SGCD: variants seen among roughly 807,000 people sequenced by gnomAD.
SGCD encodes the protein delta-sarcoglycan.
In SGCD, 18 loss-of-function variants were observed where a neutral mutation model predicts 36.6. The observed-to-expected ratio is 0.49, with a 90% CI of 0.34 to 0.73. The LOEUF (loss-of-function observed/expected upper bound fraction) is 0.73. Among genes scored for constraint, SGCD ranks in the 30% least tolerant of loss-of-function variants. The pLI is 0.01. For missense variants in SGCD, 387 were observed against 346.7 expected, an observed-to-expected ratio of 1.12 and a Z score of -0.92; for synonymous variants, 133 against 130.6, an observed-to-expected ratio of 1.02 and a Z score of -0.12.
At chr5:156,584,180 T>G (rs1280982973) in intron 4 of SGCD, among the ~76,000 whole-genome samples, 1 of 152,216 alleles carries the variant, frequency 6.6e-6, no homozygotes, top group African/African-American at 2.4e-5. Context: ...CTCTGTCCCT[T>G]AAGTATATAC....
intron 3 of SGCD, among the ~76,000 whole-genome samples, chr5:156,264,806 T>C (rs1765959361): frequency 6.6e-6 from 1 of 152,158 alleles, no homozygotes; most frequent in South Asian, 2.1e-4. Flanking sequence ...ATTTTGTCAA[T>C]TTTGTTCACT....
intron 1 of SGCD, among the ~76,000 whole-genome samples, chr5:156,005,073 T>C (rs1444930863): frequency 6.6e-6 from 1 of 152,196 alleles, no homozygotes; most frequent in Admixed American, 6.5e-5. Context: ...GGAGCCACTT[T>C]GGGCACAAAG....
Position 156,159,034 on chromosome 5 carries a change from T to C in SGCD, c.-44+35015T>C, listed in dbSNP as rs546729128. 2.6e-4 allele frequency among the ~76,000 whole-genome samples: 39 copies of C among 151,714 alleles called. 1 individual carries two copies. Among genetic ancestry groups the C allele is most frequent in the African/African-American group, 8.8e-4 (36 of 41,040 alleles). ...GAAGCAGCATGCTATCTTTGAAAAA[T>C]AATGGGATTTGCAATTCCCATCTCA... On this transcript the variant is annotated intron_variant, in intron 3 of 9. Transcript: ENST00000517913.
At chr5:155,833,016 C>T in the SGCD span, among the ~76,000 whole-genome samples, 5 of 142,442 alleles carry the variant, frequency 3.5e-5, no homozygotes, top group South Asian at 2.2e-4. Context: ...AAGACCAGCC[C>T]GGTCAACATC....
intron 1 of SGCD, among the ~76,000 whole-genome samples, chr5:155,983,290 G>A (rs527912846): frequency 3.3e-5 from 5 of 152,156 alleles, no homozygotes; most frequent in African/African-American, 1.2e-4. Flanking sequence ...AGCTAGAAGA[G>A]CTAGGGCTCA....
chr5:156,271,307 G>C (rs1173062610), intron 3 of SGCD, among the ~76,000 whole-genome samples: 3 of 151,946 alleles, frequency 2.0e-5, no homozygotes, highest in Non-Finnish European at 4.4e-5. Flanking sequence ...AGATTGTTTT[G>C]TTGCCTTTCT....
chr5:156,694,107 A>G (rs570895879), intron 7 of SGCD, among the ~76,000 whole-genome samples: 16 of 152,284 alleles, frequency 1.1e-4, no homozygotes, highest in Admixed American at 8.5e-4. Flanking sequence ...AAGAGGTTCT[A>G]TGGTTGTCTG....
intron 3 of SGCD, among the ~76,000 whole-genome samples, chr5:156,195,136 CA>C (rs2127634347): frequency 6.6e-6 from 1 of 152,208 alleles, no homozygotes; most frequent in African/African-American, 2.4e-5. Context: ...ATGGTGTTGT[CA>C]AAATTATTAA....
At chr5:156,652,033 G>T (rs1334945803) in intron 7 of SGCD, among the ~76,000 whole-genome samples, 2 of 151,900 alleles carry the variant, frequency 1.3e-5, no homozygotes, top group East Asian at 3.9e-4. Flanking sequence ...TATTTTTTGT[G>T]TGGGGTTGCT....
chr5:156,760,782 G>T lies in SGCD; in HGVS notation c.*1392G>T, dbSNP rs571748665. ...TACACCATCTCTGTTCAAAGAGGGG[G>T]AAATGTGCCTATGCCTTAAGTCAAT... On this transcript the variant is annotated 3_prime_UTR_variant, in exon 9 of 9. Coordinates refer to ENST00000337851, the MANE Select transcript of SGCD (RefSeq NM_000337.6). 6.5e-6 allele frequency: 1 copy of T among 152,776 alleles called. No individual in the cohort carries two copies. The highest frequency in any genetic ancestry group is 2.1e-4 in the South Asian group (1 of 4,832). The allele number at this position is 152,776 out of a possible 1,614,324, so 9.5% of individuals were successfully genotyped here. A position where few individuals can be genotyped will look rare whatever the true frequency, so the allele number is the denominator to read the frequency against.
intron 2 of SGCD, among the ~76,000 whole-genome samples, chr5:156,341,867 A>C (rs936678806): frequency 6.6e-6 from 1 of 152,116 alleles, no homozygotes; most frequent in African/African-American, 2.4e-5. Flanking sequence ...ACCTGCCACC[A>C]TGCCCAGCTA....
At chr5:155,926,835 A>G (rs1353655359) in intron 1 of SGCD, among the ~76,000 whole-genome samples, 1 of 152,234 alleles carries the variant, frequency 6.6e-6, no homozygotes, top group Non-Finnish European at 1.5e-5. Flanking sequence ...TTAAAACGCT[A>G]GAAATAAAAT....
At chr5:155,735,334 A>G in the SGCD span, among the ~76,000 whole-genome samples, 1 of 152,196 alleles carries the variant, frequency 6.6e-6, no homozygotes, top group Non-Finnish European at 1.5e-5. Flanking sequence ...TTATAAGTTA[A>G]TGTGATTTTA....
At chr5:156,537,769 T>C (rs1581134843) in intron 4 of SGCD, among the ~76,000 whole-genome samples, 1 of 151,776 alleles carries the variant, frequency 6.6e-6, no homozygotes, top group Admixed American at 6.6e-5. Context: ...CATCCCATCC[T>C]GTATACAAGG....
chr5:156,637,689 C>T (rs1230827756), intron 6 of SGCD, among the ~76,000 whole-genome samples: 1 of 151,866 alleles, frequency 6.6e-6, no homozygotes, highest in Non-Finnish European at 1.5e-5. Flanking sequence ...TTTTCTTGGC[C>T]AGGGGAAAGG....
chr5:156,671,256 T>C (rs1753278231), intron 7 of SGCD, among the ~76,000 whole-genome samples: 1 of 146,782 alleles, frequency 6.8e-6, no homozygotes, highest in Non-Finnish European at 1.5e-5. Flanking sequence ...TGGTGATTCA[T>C]GGATATCTAT....
chr5:156,504,576 G>A (rs115550444), intron 3 of SGCD, among the ~76,000 whole-genome samples: 2,827 of 151,944 alleles, frequency 0.019, 99 homozygotes, highest in African/African-American at 0.064. Context: ...CCTATAGTGT[G>A]TTCAATTATT....
intron 1 of SGCD, among the ~76,000 whole-genome samples, chr5:155,917,476 T>C (rs1168421197): frequency 6.6e-6 from 1 of 152,148 alleles, no homozygotes; most frequent in Non-Finnish European, 1.5e-5. Flanking sequence ...CTTTGAATAG[T>C]ATGAGTGAGT....
intron 1 of SGCD, among the ~76,000 whole-genome samples, chr5:155,939,383 G>A (rs986523341): frequency 2.0e-5 from 3 of 152,050 alleles, no homozygotes; most frequent in Non-Finnish European, 4.4e-5. Flanking sequence ...GCTCACGCCT[G>A]TAATCCCAGC....
Sources: gnomAD v4.1 joint callset for allele counts (sites outside exome capture counted in the v4.1 genomes callset) on GRCh38, gnomAD v4.1.1 for gene constraint, MANE v1.5 for transcripts, NCBI Gene and HGNC (gene_info 2026-07-23, HGNC 2026-07-21) for gene names.